PDE4B: variants seen among roughly 807,000 people sequenced by gnomAD.
PDE4B encodes the protein phosphodiesterase 4B, also known as 3',5'-cyclic-AMP phosphodiesterase 4B.
A neutral mutation model predicts 82.2 loss-of-function variants in PDE4B; 20 were observed. The ratio of observed to expected loss-of-function variants is 0.24; its 90% CI spans 0.17 to 0.35. PDE4B has a LOEUF of 0.35. Ranked by LOEUF, PDE4B falls within the 10% of genes least tolerant of loss-of-function variation. PDE4B has a pLI of 1.00. For missense variants in PDE4B, 655 were observed against 907.2 expected, an observed-to-expected ratio of 0.72 and a Z score of 3.57; for synonymous variants, 320 against 318.9, an observed-to-expected ratio of 1.00 and a Z score of -0.04.
At chr1:66,317,902 G>T (rs1170424297) in intron 7 of PDE4B, among the ~76,000 whole-genome samples, 3 of 152,118 alleles carry the variant, frequency 2.0e-5, no homozygotes, top group South Asian at 4.2e-4. Context: ...GTCTCTAAAA[G>T]AATAAAATAA....
In PDE4B at chr1:66,051,743, A is replaced by G. The variant is rs536831918; in HGVS notation, c.281+132908A>G. ...TGGATAAATTGCCAAGCAGAATTTT[A>G]TATCAAGAATAGAAGATATAACGTT... On this transcript the variant is annotated intron_variant, in intron 3 of 16. Transcript: ENST00000341517. 5.3e-5 allele frequency among the ~76,000 whole-genome samples: 8 copies of G among 152,318 alleles called. No individual in the cohort carries two copies. In the South Asian group the frequency reaches 1.4e-3, roughly 28 times the overall value.
At chr1:65,971,178 A>G (rs891787526) in intron 3 of PDE4B, among the ~76,000 whole-genome samples, 2 of 151,976 alleles carry the variant, frequency 1.3e-5, no homozygotes, top group Non-Finnish European at 2.9e-5. Flanking sequence ...AAAAACTTAC[A>G]TCTTGGCTTC....
At chr1:65,939,542 A>G (rs541474357) in intron 3 of PDE4B, among the ~76,000 whole-genome samples, 1 of 152,262 alleles carries the variant, frequency 6.6e-6, no homozygotes, top group South Asian at 2.1e-4. Context: ...GTGTCTCTTC[A>G]TCACAGAAGC....
chr1:66,254,702 G>A (rs1004982091), intron 4 of PDE4B, among the ~76,000 whole-genome samples: 4 of 152,130 alleles, frequency 2.6e-5, no homozygotes, highest in Non-Finnish European at 5.9e-5. Context: ...CGGCTTCACT[G>A]TTTTCTCAGA....
chr1:66,114,455 A>T (rs1033577596), intron 3 of PDE4B, among the ~76,000 whole-genome samples: 1 of 152,192 alleles, frequency 6.6e-6, no homozygotes, highest in Admixed American at 6.5e-5. Context: ...GTCAAATCCA[A>T]GAAAAGGCAG....
chr1:66,195,747 C>G (rs1225922656), intron 3 of PDE4B, among the ~76,000 whole-genome samples: 1 of 152,162 alleles, frequency 6.6e-6, no homozygotes, highest in African/African-American at 2.4e-5. Context: ...TTCTGATCTC[C>G]TTCTTCACCT....
At chr1:66,127,013 T>G (rs1288042612) in intron 3 of PDE4B, among the ~76,000 whole-genome samples, 1 of 152,134 alleles carries the variant, frequency 6.6e-6, no homozygotes, top group African/African-American at 2.4e-5. Context: ...GGGGAACTAT[T>G]ATAGACTGAA....
chr1:65,913,094 A>G (rs906814127), intron 1 of PDE4B, among the ~76,000 whole-genome samples, 151 bp from the exon 2 acceptor site: 5 of 152,152 alleles, frequency 3.3e-5, no homozygotes, highest in African/African-American at 1.2e-4. Flanking sequence ...CTCTTTTCTC[A>G]GCATATCAAA....
intron 7 of PDE4B, among the ~76,000 whole-genome samples, chr1:66,328,996 G>A (rs556434759): frequency 6.2e-4 from 95 of 152,300 alleles, no homozygotes; most frequent in African/African-American, 2.2e-3. Flanking sequence ...ATAGGGGCTT[G>A]GGGACCATGA....
intron 1 of PDE4B, among the ~76,000 whole-genome samples, chr1:65,809,412 A>G (rs972665719): frequency 1.3e-5 from 2 of 151,802 alleles, no homozygotes; most frequent in Non-Finnish European, 2.9e-5. Context: ...TAGAATTGCC[A>G]TGAGATCGTC....
At chr1:66,314,087 T>C (rs1658855202) in intron 7 of PDE4B, among the ~76,000 whole-genome samples, 1 of 152,184 alleles carries the variant, frequency 6.6e-6, no homozygotes, top group Non-Finnish European at 1.5e-5. Flanking sequence ...TCTCCAGTCC[T>C]CCATATCCCA....
intron 1 of PDE4B, among the ~76,000 whole-genome samples, chr1:65,887,168 TTCCC>T (rs1167173888): frequency 1.5e-4 from 21 of 138,204 alleles, no homozygotes; most frequent in African/African-American, 4.7e-4. Context: ...CCTTCCTTCC[TTCCC>T]TCCCTCCCTC....
intron 8 of PDE4B, among the ~76,000 whole-genome samples, chr1:66,350,504 C>T (rs1661742804): frequency 6.6e-6 from 1 of 152,040 alleles, no homozygotes. Context: ...TTAGGAGTCA[C>T]TCCTAAGTGA....
intron 4 of PDE4B, among the ~76,000 whole-genome samples, chr1:66,256,300 G>A (rs1422524436): frequency 6.6e-6 from 1 of 152,172 alleles, no homozygotes; most frequent in Non-Finnish European, 1.5e-5. Flanking sequence ...CTACTTACTA[G>A]GTATGTGCTA....
intron 7 of PDE4B, among the ~76,000 whole-genome samples, chr1:66,309,066 G>C (rs1026601245): frequency 6.6e-6 from 1 of 152,100 alleles, no homozygotes; most frequent in Non-Finnish European, 1.5e-5. Flanking sequence ...AAAAAATCCT[G>C]TGTCTTTATG....
In PDE4B at chr1:65,913,304, C is replaced by G. The variant is rs138598652; in HGVS notation, c.-11C>G. On this transcript the variant is annotated 5_prime_UTR_variant, in exon 2 of 17. Coordinates refer to ENST00000341517, the MANE Select transcript of PDE4B (RefSeq NM_002600.4). ...CAGACATCCTAAGAGGGGATATTTT[C>G]CACCTCTATAATGAAGAAAAGCAGG... 8.3e-5 allele frequency: 134 copies of G among 1,611,352 alleles called. 1 individual carries two copies. In the East Asian group the frequency reaches 2.9e-3, roughly 34 times the overall value.
chr1:65,863,075 T>G (rs1646473080), intron 1 of PDE4B, among the ~76,000 whole-genome samples: 1 of 152,200 alleles, frequency 6.6e-6, no homozygotes, highest in South Asian at 2.1e-4. Flanking sequence ...CTTCTCTAGT[T>G]TTTTTAATTG....
intron 7 of PDE4B, among the ~76,000 whole-genome samples, chr1:66,299,680 CAGTTTATA>C (rs1344833602): frequency 6.6e-6 from 1 of 152,156 alleles, no homozygotes; most frequent in Non-Finnish European, 1.5e-5. Context: ...TTCCCATCAA[CAGTTTATA>C]AGAGTTTGCT....
chr1:65,921,874 A>T (rs1425822259), intron 3 of PDE4B, among the ~76,000 whole-genome samples: 1 of 152,246 alleles, frequency 6.6e-6, no homozygotes, highest in Non-Finnish European at 1.5e-5. Context: ...GTCATGGCTG[A>T]TGTGCCAAAT....
Sources: allele counts gnomAD v4.1 joint callset (sites outside exome capture counted in the v4.1 genomes callset), GRCh38; gene constraint gnomAD v4.1.1; transcripts MANE v1.5; gene names NCBI Gene and HGNC (gene_info 2026-07-23, HGNC 2026-07-21).